Variants in HPSE2 observed in about 807,000 individuals in gnomAD.
HPSE2 encodes heparanase 2 (inactive).
HPSE2 carries 38 observed loss-of-function variants against 60.5 expected under a neutral mutation model. The observed-to-expected ratio is 0.63, with a 90% CI of 0.48 to 0.82. The LOEUF (loss-of-function observed/expected upper bound fraction) is 0.82. HPSE2 is among the 40% of genes least tolerant of loss of function. The pLI, the probability that HPSE2 is intolerant of heterozygous loss-of-function variation, is 0.00. For synonymous variants in HPSE2, 295 were observed against 293.2 expected (o/e 1.01, Z -0.06); for missense variants, 713 against 740.4 (o/e 0.96, Z 0.43).
intron 3 of HPSE2, among the ~76,000 whole-genome samples, chr10:98,968,950 C>A (rs968232250): frequency 6.6e-6 from 1 of 151,932 alleles, no homozygotes; most frequent in East Asian, 1.9e-4. Context: ...AACGAAGTTA[C>A]CCATGTAACC....
the HPSE2 span, among the ~76,000 whole-genome samples, chr10:99,304,810 C>T: frequency 6.6e-6 from 1 of 152,122 alleles, no homozygotes; most frequent in Non-Finnish European, 1.5e-5. Context: ...CAGACAGAAA[C>T]GAATGAAACT....
At chr10:99,076,324 T>C (rs747150103) in intron 3 of HPSE2, among the ~76,000 whole-genome samples, 1 of 152,244 alleles carries the variant, frequency 6.6e-6, no homozygotes, top group Non-Finnish European at 1.5e-5. Context: ...TGTACACTTT[T>C]ACTTCTCCCT....
chr10:98,526,497 C>T (rs1248886594), intron 9 of HPSE2, among the ~76,000 whole-genome samples: 1 of 152,174 alleles, frequency 6.6e-6, no homozygotes, highest in Non-Finnish European at 1.5e-5. Flanking sequence ...TATGGGGAAG[C>T]AGCCTTATTC....
chr10:98,563,923 G>A (rs1319264610), intron 9 of HPSE2, among the ~76,000 whole-genome samples: 10 of 152,100 alleles, frequency 6.6e-5, no homozygotes, highest in Non-Finnish European at 1.5e-4. Flanking sequence ...ATACTACGAG[G>A]GCTGGAGAAA....
chr10:98,897,746 G>C (rs901846078), intron 3 of HPSE2, among the ~76,000 whole-genome samples: 1 of 151,972 alleles, frequency 6.6e-6, no homozygotes, highest in African/African-American at 2.4e-5. Flanking sequence ...AAAACTTCTA[G>C]ATAAAAACAG....
chr10:98,977,360 C>T (rs964077808), intron 3 of HPSE2, among the ~76,000 whole-genome samples: 2 of 152,106 alleles, frequency 1.3e-5, no homozygotes, highest in South Asian at 2.1e-4. Flanking sequence ...ACTGTGTGAC[C>T]TTATGCATTT....
At chr10:98,675,539 TACACAC>T (rs774393556) in intron 6 of HPSE2, among the ~76,000 whole-genome samples, 72 of 121,592 alleles carry the variant, frequency 5.9e-4, no homozygotes, top group African/African-American at 1.1e-3. Flanking sequence ...GATCCCTGTC[TACACAC>T]ACACACACAC....
intron 2 of HPSE2, among the ~76,000 whole-genome samples, chr10:99,202,375 T>C (rs989312530): frequency 6.6e-6 from 1 of 152,170 alleles, no homozygotes; most frequent in Admixed American, 6.5e-5. Flanking sequence ...ACCATATATA[T>C]TCATCGCTAA....
At chr10:98,593,706 G>A (rs1945153545) in intron 9 of HPSE2, among the ~76,000 whole-genome samples, 1 of 152,178 alleles carries the variant, frequency 6.6e-6, no homozygotes, top group Non-Finnish European at 1.5e-5. Context: ...AGGGTAGGCT[G>A]TGAGTGATCT....
chr10:98,601,895 C>G (rs11594092), intron 9 of HPSE2, among the ~76,000 whole-genome samples: 1,848 of 152,280 alleles, frequency 0.012, 22 homozygotes, highest in Non-Finnish European at 0.018. Flanking sequence ...AAGACTTGGG[C>G]TTGAAGCAGC....
At chr10:98,993,012 T>C (rs1956561618) in intron 3 of HPSE2, among the ~76,000 whole-genome samples, 1 of 152,218 alleles carries the variant, frequency 6.6e-6, no homozygotes, top group Admixed American at 6.5e-5. Flanking sequence ...TATTTTCTTG[T>C]CCCTTCTTTG....
chr10:99,216,487 A>AT (rs1554922228), intron 2 of HPSE2, among the ~76,000 whole-genome samples: 1 of 152,106 alleles, frequency 6.6e-6, no homozygotes, highest in Non-Finnish European at 1.5e-5. Context: ...GAGCCACTGC[A>AT]CCGGCCTAAC....
intron 9 of HPSE2, among the ~76,000 whole-genome samples, chr10:98,538,773 TA>T (rs1422099302): frequency 2.0e-5 from 3 of 152,128 alleles, no homozygotes; most frequent in African/African-American, 7.2e-5. Flanking sequence ...CATTTCCAAA[TA>T]AAGGACATAT....
chr10:98,901,565 C>T (rs1018832550), intron 3 of HPSE2, among the ~76,000 whole-genome samples: 1 of 152,176 alleles, frequency 6.6e-6, no homozygotes, highest in African/African-American at 2.4e-5. Flanking sequence ...TCTTTCCATG[C>T]TGAGTCTAAA....
At chr10:99,164,079 T>G (rs1846956815) in intron 2 of HPSE2, among the ~76,000 whole-genome samples, 1 of 151,460 alleles carries the variant, frequency 6.6e-6, no homozygotes, top group African/African-American at 2.4e-5. Flanking sequence ...TGCCCACTAA[T>G]TTTAGCAATC....
At chr10:98,973,635 A>G (rs1247062249) in intron 3 of HPSE2, among the ~76,000 whole-genome samples, 2 of 152,242 alleles carry the variant, frequency 1.3e-5, no homozygotes, top group African/African-American at 4.8e-5. Flanking sequence ...TATTGTCTTG[A>G]TGATCACATC....
At chr10:98,849,303 A>ATAC (rs1245442929) in intron 3 of HPSE2, among the ~76,000 whole-genome samples, 1 of 152,272 alleles carries the variant, frequency 6.6e-6, no homozygotes, top group Non-Finnish European at 1.5e-5. Flanking sequence ...ACACATCCAT[A>ATAC]TACACACATA....
chr10:98,853,203 G>A (rs1353415787), intron 3 of HPSE2, among the ~76,000 whole-genome samples: 2 of 152,184 alleles, frequency 1.3e-5, no homozygotes, highest in South Asian at 2.1e-4. Context: ...AAATGAGGAG[G>A]AATAGTACAA....
At chr10:99,024,370 C>T (rs1957330922) in intron 3 of HPSE2, among the ~76,000 whole-genome samples, 1 of 151,986 alleles carries the variant, frequency 6.6e-6, no homozygotes, top group Non-Finnish European at 1.5e-5. Flanking sequence ...ATTTGCAACC[C>T]TCGGGGTATC....
Sources: allele counts gnomAD v4.1 joint callset (sites outside exome capture counted in the v4.1 genomes callset), GRCh38; gene constraint gnomAD v4.1.1; transcripts MANE v1.5; gene names NCBI Gene and HGNC (gene_info 2026-07-23, HGNC 2026-07-21).